Variants in GALNT9 observed in about 807,000 individuals in gnomAD.
GALNT9 encodes the protein GalNAc transferase 9.
In GALNT9, 47 loss-of-function variants were observed where a neutral mutation model predicts 63.1. The observed-to-expected ratio is 0.75, with a 90% confidence interval of 0.59 to 0.95. GALNT9 has a LOEUF of 0.95. Ranked by LOEUF, GALNT9 falls within the 40% of genes least tolerant of loss-of-function variation. The pLI, the probability that GALNT9 is intolerant of heterozygous loss-of-function variation, is 0.00. For missense variants in GALNT9, 829 were observed against 874.8 expected (o/e 0.95, Z 0.66); for synonymous variants, 396 against 365.7 (o/e 1.08, Z -0.94).
intron 1 of GALNT9, among the ~76,000 whole-genome samples, chr12:132,328,758 A>T (rs782631345): frequency 2.0e-5 from 3 of 152,164 alleles, no homozygotes; most frequent in Non-Finnish European, 4.4e-5. Context: ...TCTCCACTGG[A>T]GGGGTGGGTG....
intron 1 of GALNT9, among the ~76,000 whole-genome samples, chr12:132,312,469 C>G (rs1881850172): frequency 6.6e-6 from 1 of 152,238 alleles, no homozygotes; most frequent in Admixed American, 6.5e-5. Flanking sequence ...TGGTGGCCAC[C>G]TCTGAGAGAA....
At chr12:132,322,712 C>A (rs1868857916) in intron 1 of GALNT9, among the ~76,000 whole-genome samples, 1 of 152,162 alleles carries the variant, frequency 6.6e-6, no homozygotes, top group South Asian at 2.1e-4. Flanking sequence ...CAGGCCTGGG[C>A]GGCTTCCTGG....
rs1878019200 is a variant in GALNT9 at position 132,236,760 on chromosome 12, T to C, written c.1077+11150A>G. 6.6e-6 allele frequency among the ~76,000 whole-genome samples: 1 copy of C among 152,156 alleles called. No individual in the cohort carries two copies. The highest frequency in any genetic ancestry group is 2.1e-4 in the South Asian group (1 of 4,832). ...CTCCTGGGGGTCTCCCGTGTCTAAG[T>C]CTTGCTGTGCCCCCAATTTCAAGTC... is the stretch of plus-strand genomic sequence containing the variant. On this transcript the variant is annotated intron_variant, in intron 6 of 10. Transcript: ENST00000328957. The surrounding 1 kb of genome is among the most constrained non-coding windows in gnomAD (Gnocchi z 5.6).
Position 132,196,562 on chromosome 12 carries a change from C to A in GALNT9, c.*545G>T. The A allele has an allele frequency of 1.0e-6, 1 of 986,666 alleles. No individual in the cohort carries two copies. The highest frequency in any genetic ancestry group is 1.7e-5 in the African/African-American group (1 of 57,370). The allele number at this position is 986,666 out of a possible 1,614,324, so 61.1% of individuals were successfully genotyped here. On this transcript the variant is annotated 3_prime_UTR_variant, in exon 11 of 11. Coordinates refer to ENST00000328957, the MANE Select transcript of GALNT9 (RefSeq NM_001122636.2). Reference sequence around the variant, plus strand: ...CTGCTGAAGCAGTCGTGCCAGCCTCCTAGACACGGCCTCAGGTTTGTCGCT... The same window carrying A: ...CTGCTGAAGCAGTCGTGCCAGCCTCATAGACACGGCCTCAGGTTTGTCGCT...
chr12:132,244,754 C>CGTGGTGATGGGGCTGGACGG lies in GALNT9; in HGVS notation c.1077+3155_1077+3156insCCGTCCAGCCCCATCACCAC, dbSNP rs1878641537. Among the ~76,000 whole-genome samples, 28 of 21,788 alleles carry CGTGGTGATGGGGCTGGACGG rather than the reference C, an allele frequency of 1.3e-3. 3 individuals carry two copies. The highest frequency in any genetic ancestry group is 7.4e-3 in the African/African-American group (27 of 3,652). The allele number at this position is 21,788 out of a possible 152,430, so 14.3% of individuals were successfully genotyped here. On this transcript the variant is annotated intron_variant, in intron 6 of 10. Transcript: ENST00000328957. ...GGGGGGGCGTGGTGATGGGGCTGGA[C>CGTGGTGATGGGGCTGGACGG]GGGGGCGTGGTGATGGGGCTGGACG... is the stretch of plus-strand genomic sequence containing the variant.
intron 6 of GALNT9, among the ~76,000 whole-genome samples, chr12:132,229,629 G>A (rs1209132964): frequency 6.6e-6 from 1 of 152,208 alleles, no homozygotes; most frequent in Non-Finnish European, 1.5e-5. Context: ...CTGTGCCTCA[G>A]CGGGGCCGTC....
chr12:132,279,593 T>G lies in GALNT9; in HGVS notation c.419+6657A>C, dbSNP rs1296191257. ...GGTGGAAGGAGTGAGGGGCATCCCC[T>G]GTCCCCTCCCCACAGTCTTGGCAGT... On this transcript the variant is annotated intron_variant, in intron 2 of 10. Coordinates refer to ENST00000328957, the MANE Select transcript of GALNT9 (RefSeq NM_001122636.2). This position sits in a 1 kb window ranked among gnomAD's most constrained non-coding sequence, Gnocchi z 4.1. 6.6e-6 allele frequency: 1 copy of G among 152,480 alleles called. No homozygotes were observed. Among genetic ancestry groups the G allele is most frequent in the East Asian group, 1.9e-4 (1 of 5,198 alleles). 9.4% of individuals were successfully genotyped at this position (152,480 alleles called of 1,614,324 possible).
At chr12:132,215,388 C>T (rs1399154254) in intron 6 of GALNT9, among the ~76,000 whole-genome samples, 1 of 152,268 alleles carries the variant, frequency 6.6e-6, no homozygotes, top group South Asian at 2.1e-4. Context: ...CGCCTGGATG[C>T]CACTGCAGCC....
At chr12:132,328,717 C>T (rs28696046) in intron 1 of GALNT9, among the ~76,000 whole-genome samples, 60,312 of 152,066 alleles carry the variant, frequency 0.4, 11,959 homozygotes, top group Middle Eastern at 0.47. Flanking sequence ...AGCAAGTTTG[C>T]GTCATTGTGG....
intron 6 of GALNT9, among the ~76,000 whole-genome samples, chr12:132,237,539 C>T (rs1429200063): frequency 6.6e-6 from 1 of 151,962 alleles, no homozygotes; most frequent in African/African-American, 2.4e-5. Flanking sequence ...CTGTACCTAC[C>T]TACGCCTACT....
intron 1 of GALNT9, among the ~76,000 whole-genome samples, chr12:132,289,866 A>G (rs1288169160): frequency 6.6e-6 from 1 of 152,174 alleles, no homozygotes. Flanking sequence ...CAGGCGGGTC[A>G]CCACTGAGTC....
At chr12:132,204,825 G>C (rs535516026) in intron 6 of GALNT9, among the ~76,000 whole-genome samples, 2 of 152,154 alleles carry the variant, frequency 1.3e-5, no homozygotes, top group South Asian at 4.2e-4. Flanking sequence ...TGAACAAATG[G>C]GTCTGATCCA....
intron 6 of GALNT9, among the ~76,000 whole-genome samples, chr12:132,218,249 A>G (rs554467496): frequency 6.6e-6 from 1 of 152,330 alleles, no homozygotes; most frequent in South Asian, 2.1e-4. Context: ...CTTAGAGGCC[A>G]AGCAAGCCCT....
intron 5 of GALNT9, among the ~76,000 whole-genome samples, 152 bp downstream of exon 5, chr12:132,257,537 C>T (rs1162304727): frequency 0.49 from 14,195 of 29,198 alleles, 3,565 homozygotes; most frequent in Non-Finnish European, 0.64. Flanking sequence ...GCCCTCATCC[C>T]CACGCCCTCG....
At chr12:132,216,828 G>A (rs1275277649) in intron 6 of GALNT9, among the ~76,000 whole-genome samples, 4 of 152,328 alleles carry the variant, frequency 2.6e-5, no homozygotes, top group Admixed American at 6.5e-5. Flanking sequence ...CCTGTGAGGC[G>A]GCGTTTCTGG....
At chr12:132,285,460 G>A (rs1008648330) in intron 2 of GALNT9, among the ~76,000 whole-genome samples, 1 of 152,294 alleles carries the variant, frequency 6.6e-6, no homozygotes, top group African/African-American at 2.4e-5. Flanking sequence ...CAGGGCAGGT[G>A]TGAGGGTCAG....
chr12:132,304,263 GGGCACAC>G (rs1881461708), intron 1 of GALNT9, among the ~76,000 whole-genome samples: 1 of 46,242 alleles, frequency 2.2e-5, no homozygotes, highest in Non-Finnish European at 3.9e-5. Context: ...ACCCTCACCC[GGGCACAC>G]CCTCGCCCGG....
intron 2 of GALNT9, among the ~76,000 whole-genome samples, chr12:132,276,942 AC>A: frequency 6.7e-6 from 1 of 149,202 alleles, no homozygotes; most frequent in African/African-American, 2.6e-5. Flanking sequence ...ACATCTGTGG[AC>A]ACACACACAC....
chr12:132,267,751 A>ACTCACACACACACG lies in GALNT9; in HGVS notation c.420-5127_420-5126insCGTGTGTGTGTGAG, dbSNP rs1555240310. Among the ~76,000 whole-genome samples, 614 of 145,316 alleles carry ACTCACACACACACG rather than the reference A, an allele frequency of 4.2e-3. 2 individuals are homozygous for ACTCACACACACACG. Among genetic ancestry groups the ACTCACACACACACG allele is most frequent in the Non-Finnish European group, 6.7e-3 (454 of 67,692 alleles). On this transcript the variant is annotated intron_variant, in intron 2 of 10. Coordinates refer to ENST00000328957, the MANE Select transcript of GALNT9 (RefSeq NM_001122636.2). ...AAAATGGGGAAATACACAAGCACACACACTCACACACACATGCACTCACAC... is the reference window on the plus strand; with the variant it reads ...AAAATGGGGAAATACACAAGCACACACTCACACACACACGCACTCACACACACATGCACTCACAC...
Sources: gnomAD v4.1 joint callset for allele counts (sites outside exome capture counted in the v4.1 genomes callset) on GRCh38, gnomAD v4.1.1 for gene constraint, Gnocchi (gnomAD v3.1) non-coding constraint, MANE v1.5 for transcripts, NCBI Gene and HGNC (gene_info 2026-07-23, HGNC 2026-07-21) for gene names.